Variants in C8orf88 observed in about 807,000 individuals in gnomAD.
The protein encoded by C8orf88 is uncharacterized protein C8orf88.
C8orf88 carries 14 observed loss-of-function variants against 18.4 expected under a neutral mutation model. That is an observed-to-expected ratio of 0.76 (90% CI 0.50 to 1.19). The LOEUF is 1.19. Ranked by LOEUF, C8orf88 falls within the 50% of genes most tolerant of loss-of-function variation. C8orf88 has a pLI of 0.00. For missense variants in C8orf88, 116 were observed against 134.7 expected, an observed-to-expected ratio of 0.86 and a Z score of 0.69; for synonymous variants, 45 against 42.9, an observed-to-expected ratio of 1.05 and a Z score of -0.19.
chr8:90,964,524 C>G (rs1264708347), intron 4 of C8orf88, among the ~76,000 whole-genome samples: 28 of 151,714 alleles, frequency 1.8e-4, no homozygotes, highest in African/African-American at 6.8e-4. Flanking sequence ...TAAAGGGAAT[C>G]CTTCAGACTT....
chr8:90,973,976 T>C (rs1445789968), intron 3 of C8orf88, among the ~76,000 whole-genome samples: 1 of 152,032 alleles, frequency 6.6e-6, no homozygotes, highest in Non-Finnish European at 1.5e-5. Context: ...AAATTACAAT[T>C]CGTATCTTAA....
intron 4 of C8orf88, among the ~76,000 whole-genome samples, chr8:90,962,877 A>C (rs543247952): frequency 1.2e-4 from 18 of 151,728 alleles, no homozygotes; most frequent in Admixed American, 1.1e-3. Context: ...TGGAGCAAAC[A>C]TTAGGCATAC....
intron 4 of C8orf88, among the ~76,000 whole-genome samples, chr8:90,968,902 T>A (rs549598039): frequency 6.6e-6 from 1 of 150,546 alleles, no homozygotes; most frequent in African/African-American, 2.4e-5. Flanking sequence ...CATAAGAAAA[T>A]GCAAATCAAA....
chr8:90,965,868 T>G (rs1239018930), intron 4 of C8orf88, among the ~76,000 whole-genome samples: 1 of 151,766 alleles, frequency 6.6e-6, no homozygotes, highest in African/African-American at 2.4e-5. Context: ...ATTTATGAGA[T>G]GCAGCAAAAA....
intron 3 of C8orf88, among the ~76,000 whole-genome samples, chr8:90,974,671 A>C (rs775001301): frequency 1.3e-4 from 20 of 152,236 alleles, no homozygotes; most frequent in Non-Finnish European, 2.8e-4. Flanking sequence ...AAGAAAGATA[A>C]TACCAGACAG....
chr8:90,959,463 A>G (rs1811093441), intron 5 of C8orf88: 1 of 151,622 alleles, frequency 6.6e-6, no homozygotes, highest in African/African-American at 2.4e-5. Flanking sequence ...CTTACAGACC[A>G]TGGATTACAT....
rs951477189 is a variant in C8orf88 at position 90,958,867 on chromosome 8, C to T, written c.*140G>A. The T allele has an allele frequency of 7.1e-6, 4 of 564,898 alleles. No individual in the cohort carries two copies. Among genetic ancestry groups the T allele is most frequent in the African/African-American group, 2.0e-5 (1 of 49,438 alleles). The allele number at this position is 564,898 out of a possible 1,614,324, so 35.0% of individuals were successfully genotyped here. ...AAATTCTTTATATTTTAAAATAGCT[C>T]TTTCTCATTTTTAGAGAAGTCAAAT... On this transcript the variant is annotated 3_prime_UTR_variant, in exon 6 of 6. Coordinates refer to ENST00000517562, the MANE Select transcript of C8orf88 (RefSeq NM_001190972.2).
rs555037515 is a variant in C8orf88, at chr8:90,980,626, T to C, written c.-26-165A>G. 2.6e-5 allele frequency among the ~76,000 whole-genome samples: 4 copies of C among 152,342 alleles called. No homozygotes were observed. The South Asian group carries it at 6.2e-4, about 24-fold the overall frequency. ...ATATGCAATACTCAGACTCCTTTTA[T>C]AGCATTTGTCACAGTTAAACATTCC... On this transcript the variant is annotated intron_variant, in intron 1 of 5. Transcript: ENST00000517562.
intron 2 of C8orf88, among the ~76,000 whole-genome samples, chr8:90,980,137 A>C (rs1211023104): frequency 1.3e-5 from 2 of 152,218 alleles, no homozygotes; most frequent in African/African-American, 2.4e-5. Flanking sequence ...ACACACACAG[A>C]AAGTTACTTT....
Position 90,974,005 on chromosome 8 carries a change from G to C in C8orf88, c.148-2864C>G, listed in dbSNP as rs1811315156. On this transcript the variant is annotated intron_variant, in intron 3 of 5. Transcript: ENST00000517562. ...ATCTTAAATGGTTTCACCTAAAAGA[G>C]CTCCCAGGAAAACAATTTTTTAAAA... is the stretch of plus-strand genomic sequence containing the variant. 4.6e-5 allele frequency among the ~76,000 whole-genome samples: 7 copies of C among 152,138 alleles called. No homozygotes were observed. The South Asian group carries it at 1.5e-3, about 32-fold the overall frequency.
rs767980809 is a variant in C8orf88 at position 90,964,019 on chromosome 8, TACA to T, written c.224-3174_224-3172del. ...ACCCCCAACTTATGATGGTTTGACT[TACA>T]ATTGTTTGACTTTATGATGATGTGA... On this transcript the variant is annotated intron_variant, in intron 4 of 5. Coordinates refer to ENST00000517562, the MANE Select transcript of C8orf88 (RefSeq NM_001190972.2). 2.0e-5 allele frequency among the ~76,000 whole-genome samples: 3 copies of T among 151,832 alleles called. No homozygotes were observed. In the South Asian group the frequency reaches 6.2e-4, roughly 31 times the overall value.
At chr8:90,969,089 C>T (rs968104759) in intron 4 of C8orf88, among the ~76,000 whole-genome samples, 2 of 151,632 alleles carry the variant, frequency 1.3e-5, no homozygotes, top group Non-Finnish European at 3.0e-5. Flanking sequence ...ACACAACTAC[C>T]AATGATCCAG....
chr8:90,965,625 A>C (rs1811183717), intron 4 of C8orf88, among the ~76,000 whole-genome samples: 1 of 151,882 alleles, frequency 6.6e-6, no homozygotes, highest in East Asian at 1.9e-4. Flanking sequence ...GGATGAACTC[A>C]TATGTTAGGC....
intron 4 of C8orf88, among the ~76,000 whole-genome samples, chr8:90,967,082 T>TAA (rs1198027870): frequency 2.0e-5 from 3 of 151,898 alleles, no homozygotes; most frequent in Non-Finnish European, 4.4e-5. Context: ...ACTTTCAACA[T>TAA]AACATTGAAA....
At chr8:90,983,618 A>G (rs1464199198) in intron 1 of C8orf88, among the ~76,000 whole-genome samples, 1 of 152,126 alleles carries the variant, frequency 6.6e-6, no homozygotes, top group Non-Finnish European at 1.5e-5. Flanking sequence ...TTTTTAATTA[A>G]GATGCCTTTT....
intron 2 of C8orf88, among the ~76,000 whole-genome samples, 188 bp from the exon 3 acceptor site, chr8:90,978,840 A>G (rs1188917225): frequency 1.3e-5 from 2 of 152,218 alleles, no homozygotes; most frequent in African/African-American, 4.8e-5. Context: ...GGACACACAA[A>G]CATGAAAAGA....
intron 3 of C8orf88, among the ~76,000 whole-genome samples, chr8:90,971,984 T>G (rs1476884137): frequency 6.6e-6 from 1 of 152,102 alleles, no homozygotes; most frequent in East Asian, 1.9e-4. Flanking sequence ...GTTAATACTA[T>G]CTACCCCTGA....
At chr8:90,978,075 T>C (rs1174064937) in intron 3 of C8orf88, among the ~76,000 whole-genome samples, 1 of 152,186 alleles carries the variant, frequency 6.6e-6, no homozygotes, top group Non-Finnish European at 1.5e-5. Flanking sequence ...AATAGGAGAC[T>C]GGGACAGAGA....
At chr8:90,964,419 A>C (rs1369777885) in intron 4 of C8orf88, among the ~76,000 whole-genome samples, 2 of 151,700 alleles carry the variant, frequency 1.3e-5, no homozygotes, top group African/African-American at 4.8e-5. Context: ...TATATCTGAC[A>C]AAAGCTCCTT....
Sources: allele counts gnomAD v4.1 joint callset (sites outside exome capture counted in the v4.1 genomes callset), GRCh38; gene constraint gnomAD v4.1.1; transcripts MANE v1.5; gene names NCBI Gene and HGNC (gene_info 2026-07-23, HGNC 2026-07-21).